NELL1: variants seen among roughly 807,000 people sequenced by gnomAD.
The protein encoded by NELL1 is protein kinase C-binding protein NELL1.
Under a neutral mutation model 107.4 loss-of-function variants are expected in NELL1, and 76 were observed. The ratio of observed to expected loss-of-function variants is 0.71; its 90% CI spans 0.59 to 0.86. The LOEUF is 0.86. NELL1 is among the 40% of genes least tolerant of loss of function. The pLI, the probability that NELL1 is intolerant of heterozygous loss-of-function variation, is 0.00. For synonymous variants in NELL1, 353 were observed against 341.2 expected (o/e 1.03, Z -0.38); for missense variants, 1,024 against 1,005.5 (o/e 1.02, Z -0.25).
intron 4 of NELL1, among the ~76,000 whole-genome samples, chr11:20,883,031 A>G (rs927019262): frequency 1.3e-5 from 2 of 152,190 alleles, no homozygotes; most frequent in Non-Finnish European, 2.9e-5. Context: ...TACTGTTTTT[A>G]AACTCTCTTC....
intron 5 of NELL1, among the ~76,000 whole-genome samples, chr11:20,917,605 C>T (rs1564965733): frequency 2.6e-5 from 4 of 151,940 alleles, no homozygotes; most frequent in Admixed American, 2.0e-4. Context: ...TGAGAGATGA[C>T]AGCCCTGATG....
At chr11:20,899,157 TAC>T (rs888641896) in intron 5 of NELL1, among the ~76,000 whole-genome samples, 1 of 151,866 alleles carries the variant, frequency 6.6e-6, no homozygotes, top group Non-Finnish European at 1.5e-5. Flanking sequence ...TATATATATA[TAC>T]ACACACACAT....
chr11:20,852,937 C>T (rs1848818630), intron 4 of NELL1, among the ~76,000 whole-genome samples: 1 of 152,164 alleles, frequency 6.6e-6, no homozygotes, highest in South Asian at 2.1e-4. Flanking sequence ...TGATGTATTG[C>T]TAGATTCCTG....
chr11:20,890,199 G>A (rs79466881), intron 5 of NELL1, among the ~76,000 whole-genome samples: 7,220 of 152,150 alleles, frequency 0.047, 514 homozygotes, highest in African/African-American at 0.16. Flanking sequence ...CTCCAGGCAT[G>A]GGAGTGAAGC....
rs559253930 is a variant in NELL1, at chr11:21,059,556, C to T, written c.1301-54033C>T. On this transcript the variant is annotated intron_variant, in intron 12 of 19. Coordinates refer to ENST00000357134, the MANE Select transcript of NELL1 (RefSeq NM_006157.5). Reference sequence around the variant, plus strand: ...GGTATAATATTTTATTTCACCAAGCCATAGAAAAATTGGTATTTTACCAAT... The same window carrying T: ...GGTATAATATTTTATTTCACCAAGCTATAGAAAAATTGGTATTTTACCAAT... Among the ~76,000 whole-genome samples the T allele has an allele frequency of 4.6e-5, 7 of 152,160 alleles. No homozygotes were observed. The East Asian group carries it at 1.4e-3, about 29-fold the overall frequency.
chr11:21,115,026 G>T (rs1855198543), intron 13 of NELL1, among the ~76,000 whole-genome samples: 1 of 151,978 alleles, frequency 6.6e-6, no homozygotes, highest in Non-Finnish European at 1.5e-5. Context: ...AAGCCCTGCT[G>T]TGTGGAAGAC....
intron 13 of NELL1, among the ~76,000 whole-genome samples, chr11:21,171,291 T>C (rs180966876): frequency 2.6e-5 from 4 of 151,862 alleles, no homozygotes; most frequent in Admixed American, 2.0e-4. Context: ...GTGTACTATA[T>C]ATAATTATAC....
chr11:21,031,250 T>C (rs1208309552), intron 12 of NELL1, among the ~76,000 whole-genome samples: 5 of 152,254 alleles, frequency 3.3e-5, no homozygotes, highest in Non-Finnish European at 5.9e-5. Flanking sequence ...TTCTTATAAA[T>C]AATGCTTCAG....
At chr11:21,347,386 T>C (rs1042079853) in intron 14 of NELL1, among the ~76,000 whole-genome samples, 4 of 152,160 alleles carry the variant, frequency 2.6e-5, no homozygotes, top group African/African-American at 9.7e-5. Context: ...GTGGATCACC[T>C]GAGGTCGGGA....
intron 14 of NELL1, among the ~76,000 whole-genome samples, chr11:21,342,412 G>GC (rs1491292630): frequency 3.6e-5 from 2 of 55,314 alleles, no homozygotes; most frequent in Non-Finnish European, 7.5e-5. Context: ...AGGCTTAAGT[G>GC]GGGGGGGGGG....
At chr11:20,886,436 A>T (rs188079761) in intron 5 of NELL1, among the ~76,000 whole-genome samples, 2 of 152,236 alleles carry the variant, frequency 1.3e-5, no homozygotes, top group African/African-American at 4.8e-5. Context: ...CTGCTTCAAA[A>T]TGACTATAAT....
At chr11:21,561,795 G>C (rs1157299157) in intron 17 of NELL1, among the ~76,000 whole-genome samples, 1 of 152,044 alleles carries the variant, frequency 6.6e-6, no homozygotes, top group Non-Finnish European at 1.5e-5. Context: ...TGACTGGTGA[G>C]ACATTCCTTC....
chr11:20,924,092 C>T (rs967166047), intron 7 of NELL1, among the ~76,000 whole-genome samples: 9 of 152,222 alleles, frequency 5.9e-5, no homozygotes, highest in African/African-American at 1.4e-4. Flanking sequence ...GTATCTATTT[C>T]GAATCTGCAG....
chr11:21,298,545 A>G (rs1849423091), intron 14 of NELL1, among the ~76,000 whole-genome samples: 1 of 151,850 alleles, frequency 6.6e-6, no homozygotes, highest in Admixed American at 6.6e-5. Flanking sequence ...AGCCTGCAGG[A>G]GTTTCTGCTG....
chr11:20,990,734 G>A (rs1851953676), intron 12 of NELL1, among the ~76,000 whole-genome samples: 1 of 152,210 alleles, frequency 6.6e-6, no homozygotes, highest in Non-Finnish European at 1.5e-5. Flanking sequence ...CGAGGGGATG[G>A]AGTTGTAATG....
chr11:21,539,990 T>A (rs2133977252), intron 16 of NELL1, among the ~76,000 whole-genome samples: 1 of 152,076 alleles, frequency 6.6e-6, no homozygotes, highest in African/African-American at 2.4e-5. Flanking sequence ...TCATATTCAG[T>A]TGGTCTGGTG....
At chr11:21,419,241 T>C (rs542894901) in intron 15 of NELL1, among the ~76,000 whole-genome samples, 6 of 152,174 alleles carry the variant, frequency 3.9e-5, no homozygotes, top group African/African-American at 1.4e-4. Flanking sequence ...TAAAAATTAG[T>C]GAGAGAAGTG....
chr11:21,191,519 A>C (rs1857049282), intron 13 of NELL1, among the ~76,000 whole-genome samples: 1 of 151,966 alleles, frequency 6.6e-6, no homozygotes, highest in Non-Finnish European at 1.5e-5. Flanking sequence ...AGTGGAAGAC[A>C]ATGAATTCAT....
chr11:21,142,414 G>T (rs1855889124), intron 13 of NELL1, among the ~76,000 whole-genome samples: 1 of 152,162 alleles, frequency 6.6e-6, no homozygotes, highest in Non-Finnish European at 1.5e-5. Context: ...TTGCTATCTG[G>T]GTCCCAAGTA....
Sources: gnomAD v4.1 joint callset for allele counts (sites outside exome capture counted in the v4.1 genomes callset) on GRCh38, gnomAD v4.1.1 for gene constraint, MANE v1.5 for transcripts, NCBI Gene and HGNC (gene_info 2026-07-23, HGNC 2026-07-21) for gene names.